Variants in DNAJC15 observed in about 807,000 individuals in gnomAD.
The protein encoded by DNAJC15 is dnaJ homolog subfamily C member 15.
DNAJC15 carries 27 observed loss-of-function variants against 22.4 expected under a neutral mutation model. The ratio of observed to expected loss-of-function variants is 1.20; its 90% CI spans 0.89 to 1.66. The LOEUF is 1.66. Ranked by LOEUF, DNAJC15 falls within the 40% of genes most tolerant of loss-of-function variation. The pLI, the probability that DNAJC15 is intolerant of heterozygous loss-of-function variation, is 0.00. For synonymous variants in DNAJC15, 79 were observed against 63.2 expected (o/e 1.25, Z -1.19); for missense variants, 208 against 187.1 (o/e 1.11, Z -0.65).
At chr13:43,094,968 T>C (rs943509905) in intron 5 of DNAJC15, among the ~76,000 whole-genome samples, 6 of 152,206 alleles carry the variant, frequency 3.9e-5, no homozygotes, top group African/African-American at 1.4e-4. Context: ...TTCTTAGAAG[T>C]TTCCCTGTAA....
At chr13:43,029,655 CTGT>C (rs1178794410) in intron 1 of DNAJC15, among the ~76,000 whole-genome samples, 5 of 151,090 alleles carry the variant, frequency 3.3e-5, no homozygotes, top group African/African-American at 7.3e-5. Flanking sequence ...TTAATTGTTG[CTGT>C]TGTTATTTTG....
chr13:43,076,908 C>G (rs564532378), intron 3 of DNAJC15, among the ~76,000 whole-genome samples: 1 of 152,260 alleles, frequency 6.6e-6, no homozygotes, highest in South Asian at 2.1e-4. Flanking sequence ...TTTTTCATTT[C>G]CTCACTCTTG....
intron 5 of DNAJC15, among the ~76,000 whole-genome samples, chr13:43,102,913 G>A (rs1371996406): frequency 2.6e-5 from 4 of 151,938 alleles, no homozygotes; most frequent in Non-Finnish European, 5.9e-5. Context: ...ACAAAATCAT[G>A]GCCAGGATTT....
chr13:43,069,210 G>T, intron 3 of DNAJC15, among the ~76,000 whole-genome samples: 1 of 151,992 alleles, frequency 6.6e-6, no homozygotes, highest in Admixed American at 6.6e-5. Flanking sequence ...CTTTATTCCT[G>T]GTTTTGACAT....
rs571167317 is a variant in DNAJC15, at chr13:43,096,902, G to A, written c.383-10276G>A. ...AAGAAGACTAAGCTCTCCTCCTGACGGAAGAAACACCAAGTAGAGAGAGGC... is the reference window on the plus strand; with the variant it reads ...AAGAAGACTAAGCTCTCCTCCTGACAGAAGAAACACCAAGTAGAGAGAGGC... On this transcript the variant is annotated intron_variant, in intron 5 of 5. Coordinates refer to ENST00000379221, the MANE Select transcript of DNAJC15 (RefSeq NM_013238.3). Among the ~76,000 whole-genome samples, 153 of 152,296 alleles carry A rather than the reference G, an allele frequency of 1.0e-3. 4 individuals carry two copies. Among genetic ancestry groups the A allele is most frequent in the Admixed American group, 9.2e-3 (141 of 15,290 alleles).
chr13:43,090,713 T>C lies in DNAJC15; in HGVS notation c.382+4875T>C, dbSNP rs903110733. On this transcript the variant is annotated intron_variant, in intron 5 of 5. Transcript: ENST00000379221. ...TAAGATTAGTCTTCTTTCTTTCTTT[T>C]TTTTTTTTTTTTGAGATAGAGTCTT... Among the ~76,000 whole-genome samples, 13 of 149,604 alleles carry C rather than the reference T, an allele frequency of 8.7e-5. 1 individual carries two copies. The highest frequency in any genetic ancestry group is 2.0e-4 in the Admixed American group (3 of 15,058).
At position 43,023,610 on chromosome 13, in the gene DNAJC15, C is replaced by G. The variant is rs373581573; in HGVS notation, c.-17C>G. Reference sequence around the variant, plus strand: ...TAGTCACTGCCGCGGCGCCTTGAGTCTCCGGGCCGCCTTGCCATGGCTGCC... The same window carrying G: ...TAGTCACTGCCGCGGCGCCTTGAGTGTCCGGGCCGCCTTGCCATGGCTGCC... On this transcript the variant is annotated 5_prime_UTR_variant, in exon 1 of 6. Transcript: ENST00000379221. 1 of 1,603,472 alleles carries G rather than the reference C, an allele frequency of 6.2e-7. No homozygotes were observed. The highest frequency in any genetic ancestry group is 8.5e-7 in the Non-Finnish European group (1 of 1,175,124).
chr13:43,077,028 A>G (rs2040636903), intron 3 of DNAJC15, among the ~76,000 whole-genome samples: 1 of 152,122 alleles, frequency 6.6e-6, no homozygotes, highest in South Asian at 2.1e-4. Context: ...GACTCCTTGG[A>G]CTTCTAATTT....
chr13:43,086,806 G>A (rs1325612326), intron 5 of DNAJC15, among the ~76,000 whole-genome samples: 1 of 151,914 alleles, frequency 6.6e-6, no homozygotes, highest in Admixed American at 6.6e-5. Context: ...TATCTTATGA[G>A]CAAGTAGTGT....
intron 5 of DNAJC15, among the ~76,000 whole-genome samples, chr13:43,097,713 A>G (rs1227303465): frequency 6.6e-6 from 1 of 151,870 alleles, no homozygotes; most frequent in Non-Finnish European, 1.5e-5. Context: ...TGAGGCGGGG[A>G]GATCACCTGA....
chr13:43,024,615 A>AT (rs2040371026), intron 1 of DNAJC15, among the ~76,000 whole-genome samples: 1 of 152,046 alleles, frequency 6.6e-6, no homozygotes, highest in South Asian at 2.1e-4. Context: ...AAGTGCTGGG[A>AT]TTACAGGCGT....
At chr13:43,056,275 A>G (rs761763656) in intron 1 of DNAJC15, among the ~76,000 whole-genome samples, 1 of 151,840 alleles carries the variant, frequency 6.6e-6, no homozygotes, top group South Asian at 2.1e-4. Context: ...AGTAGCTGGG[A>G]CTACAGGCAT....
chr13:43,065,816 C>T (rs909017567), intron 2 of DNAJC15, 79 bp downstream of exon 2: 1 of 1,298,058 alleles, frequency 7.7e-7, no homozygotes, highest in Non-Finnish European at 1.1e-6. Flanking sequence ...TGAGTAGACC[C>T]TTAGTATTCT....
At position 43,024,893 on chromosome 13, in the gene DNAJC15, T is replaced by TAAAAAAAAAA. The variant is rs34398144; in HGVS notation, c.108+1168_108+1177dup. On this transcript the variant is annotated intron_variant, in intron 1 of 5. Coordinates refer to ENST00000379221, the MANE Select transcript of DNAJC15 (RefSeq NM_013238.3). ...GCAACACAGGAGACCCCATCTCTGCTAAAAAAAAAAAAAAAAAATTAGCTG... is the reference window on the plus strand; with the variant it reads ...GCAACACAGGAGACCCCATCTCTGCTAAAAAAAAAAAAAAAAAAAAAAAAAAAATTAGCTG... 1.4e-3 allele frequency among the ~76,000 whole-genome samples: 121 copies of TAAAAAAAAAA among 85,928 alleles called. 2 individuals carry two copies. Among genetic ancestry groups the TAAAAAAAAAA allele is most frequent in the African/African-American group, 5.2e-3 (113 of 21,690 alleles). 56.4% of individuals were successfully genotyped at this position (85,928 alleles called of 152,430 possible).
chr13:43,056,961 T>G (rs1365425282), intron 1 of DNAJC15, among the ~76,000 whole-genome samples: 3 of 152,234 alleles, frequency 2.0e-5, no homozygotes, highest in African/African-American at 4.8e-5. Flanking sequence ...ATCGTAGGGT[T>G]TCTGCTGAGA....
At position 43,110,924 on chromosome 13, in the gene DNAJC15, G is replaced by GTCATTGCATAT. The variant is rs2040821902; in HGVS notation, c.*3679_*3689dup. 1 of 152,210 alleles carries GTCATTGCATAT rather than the reference G, an allele frequency of 6.6e-6. No individual in the cohort carries two copies. The highest frequency in any genetic ancestry group is 1.5e-5 in the Non-Finnish European group (1 of 68,046). 9.4% of individuals were successfully genotyped at this position (152,210 alleles called of 1,614,324 possible). On this transcript the variant is annotated 3_prime_UTR_variant, in exon 6 of 6. Coordinates refer to ENST00000379221, the MANE Select transcript of DNAJC15 (RefSeq NM_013238.3). ...TAAAGATTGCGCTTGCATATTTGCTGTCATTGCATATTCTGCTTAATTAAG... is the reference window on the plus strand; with the variant it reads ...TAAAGATTGCGCTTGCATATTTGCTGTCATTGCATATTCATTGCATATTCTGCTTAATTAAG...
At chr13:43,051,914 T>TA (rs1240112429) in intron 1 of DNAJC15, among the ~76,000 whole-genome samples, 1 of 152,190 alleles carries the variant, frequency 6.6e-6, no homozygotes, top group Non-Finnish European at 1.5e-5. Context: ...ACCAGCAGTG[T>TA]AAAAGTGTTC....
At chr13:43,075,248 C>T (rs762544839) in intron 3 of DNAJC15, among the ~76,000 whole-genome samples, 4 of 152,054 alleles carry the variant, frequency 2.6e-5, no homozygotes, top group Non-Finnish European at 4.4e-5. Context: ...AACTTCTTCC[C>T]GACACTAGAT....
chr13:43,091,137 T>A (rs1236439635), intron 5 of DNAJC15, among the ~76,000 whole-genome samples: 2 of 152,130 alleles, frequency 1.3e-5, no homozygotes, highest in Non-Finnish European at 2.9e-5. Context: ...TAGGCTGGAG[T>A]GCAGTGGCAC....
Sources: allele counts gnomAD v4.1 joint callset (sites outside exome capture counted in the v4.1 genomes callset), GRCh38; gene constraint gnomAD v4.1.1; transcripts MANE v1.5; gene names NCBI Gene and HGNC (gene_info 2026-07-23, HGNC 2026-07-21).